The following TRAIP variants were observed in gnomAD, a reference collection of about 807,000 sequenced individuals.
The protein encoded by TRAIP is TRAF interacting protein.
Under a neutral mutation model 65.0 loss-of-function variants are expected in TRAIP, and 37 were observed. The observed-to-expected ratio is 0.57, with a 90% CI of 0.44 to 0.75. The LOEUF is 0.75. TRAIP is among the 30% of genes least tolerant of loss of function. TRAIP has a pLI of 0.00. For missense variants in TRAIP, 481 were observed against 579.4 expected (o/e 0.83, Z 1.74); for synonymous variants, 187 against 219.1 (o/e 0.85, Z 1.29).
At chr3:49,848,343 C>T in intron 1 of TRAIP, 143 bp from the exon 2 acceptor site, 1 of 841,592 alleles carries the variant, frequency 1.2e-6, no homozygotes, top group Admixed American at 2.1e-5. Context: ...GTAGCATAGG[C>T]AGTTACAGCA....
At chr3:49,840,745 G>A (rs1399168967) in intron 8 of TRAIP, among the ~76,000 whole-genome samples, 1 of 152,232 alleles carries the variant, frequency 6.6e-6, no homozygotes, top group African/African-American at 2.4e-5. Context: ...AGGAAGAGCA[G>A]AGGGGAGCAT....
intron 1 of TRAIP, among the ~76,000 whole-genome samples, chr3:49,851,201 T>C (rs930551703): frequency 1.3e-5 from 2 of 152,126 alleles, no homozygotes; most frequent in Non-Finnish European, 1.5e-5. Flanking sequence ...CTAGAACTTC[T>C]GGGCTCAAGC....
At chr3:49,843,756 A>C in intron 5 of TRAIP, 45 bp downstream of exon 5, 1 of 1,590,598 alleles carries the variant, frequency 6.3e-7, no homozygotes. Flanking sequence ...GTTCTGGGGC[A>C]ATACCTCCCT....
chr3:49,837,254 T>A (rs1276881924), intron 10 of TRAIP, among the ~76,000 whole-genome samples: 1 of 152,074 alleles, frequency 6.6e-6, no homozygotes, highest in Non-Finnish European at 1.5e-5. Flanking sequence ...ATTCAACAAC[T>A]ATTTTTGAGA....
intron 10 of TRAIP, among the ~76,000 whole-genome samples, 183 bp from the exon 11 acceptor site, chr3:49,832,251 G>C (rs544976434): frequency 1.3e-5 from 2 of 152,260 alleles, no homozygotes; most frequent in Non-Finnish European, 2.9e-5. Flanking sequence ...CCAGCACTTT[G>C]GGAGGCCAAG....
intron 1 of TRAIP, among the ~76,000 whole-genome samples, chr3:49,850,498 CAA>C (rs971648570): frequency 1.7e-5 from 2 of 119,304 alleles, no homozygotes; most frequent in Non-Finnish European, 3.5e-5. Flanking sequence ...GACTCTGTCT[CAA>C]AAAAAAAAAA....
chr3:49,841,411 G>A (rs1467986383), intron 7 of TRAIP, among the ~76,000 whole-genome samples: 2 of 152,176 alleles, frequency 1.3e-5, no homozygotes, highest in Non-Finnish European at 2.9e-5. Context: ...CACCCTTCCT[G>A]CCAACCTTAC....
chr3:49,855,012 C>T (rs1356849657), intron 1 of TRAIP, among the ~76,000 whole-genome samples: 3 of 151,896 alleles, frequency 2.0e-5, no homozygotes, highest in Non-Finnish European at 4.4e-5. Flanking sequence ...TGCAGTGAGC[C>T]GAGATGGCAC....
rs2081705620 is a variant in TRAIP at position 49,828,849 on chromosome 3, G to A, written c.*254C>T. 1 of 485,672 alleles carries A rather than the reference G, an allele frequency of 2.1e-6. No homozygotes were observed. Among genetic ancestry groups the A allele is most frequent in the African/African-American group, 2.0e-5 (1 of 51,070 alleles). The allele number at this position is 485,672 out of a possible 1,614,324, so 30.1% of individuals were successfully genotyped here. On this transcript the variant is annotated 3_prime_UTR_variant, in exon 15 of 15. Transcript: ENST00000331456. ...CACATCTGATCATGGCTATAAACAGGAGCCTGGCAACAGGAGCAGGACCTG... is the reference window on the plus strand; with the variant it reads ...CACATCTGATCATGGCTATAAACAGAAGCCTGGCAACAGGAGCAGGACCTG...
intron 2 of TRAIP, 51 bp from the exon 3 acceptor site, chr3:49,847,659 A>T: frequency 2.2e-6 from 3 of 1,352,130 alleles, no homozygotes; most frequent in Non-Finnish European, 3.1e-6. Context: ...GGTCATGCGC[A>T]AGGAGGAGAG....
intron 10 of TRAIP, among the ~76,000 whole-genome samples, chr3:49,839,444 A>G (rs1050691088): frequency 6.6e-6 from 1 of 152,132 alleles, no homozygotes; most frequent in Non-Finnish European, 1.5e-5. Context: ...ATTATTTTAC[A>G]GTGGTTTCAT....
chr3:49,829,724 G>A lies in TRAIP; in HGVS notation c.1129C>T (p.Pro377Ser). Reference sequence around the variant, plus strand: ...AAGGCACCAACCAGTTCCTCATCTGGCTCTCCTGCACAGCTCTGGCCACCC... The same window carrying A: ...AAGGCACCAACCAGTTCCTCATCTGACTCTCCTGCACAGCTCTGGCCACCC... ...SLGGQSCAGE[P>S]DEELVGAFPI... is the part of the protein sequence containing the mutation. Residue 377 changes from proline to serine, a missense_variant, in exon 13 of 15, where the codon CCA (proline) becomes TCA (serine). By Grantham distance (74) the Pro-to-Ser change is moderately conservative. Coordinates refer to ENST00000331456, the MANE Select transcript of TRAIP (RefSeq NM_005879.3). The A allele has an allele frequency of 6.2e-7, 1 of 1,614,154 alleles. No homozygotes were observed.
chr3:49,849,689 G>C lies in TRAIP; in HGVS notation c.99-1489C>G, dbSNP rs140896884. On this transcript the variant is annotated intron_variant, in intron 1 of 14. Transcript: ENST00000331456. ...GAGCTTTGCATCATCTATGCAGGTGGTCCAGCAAAGCTCAAGCCTTAAACT... is the reference window on the plus strand; with the variant it reads ...GAGCTTTGCATCATCTATGCAGGTGCTCCAGCAAAGCTCAAGCCTTAAACT... 3.7e-3 allele frequency among the ~76,000 whole-genome samples: 563 copies of C among 152,076 alleles called. 8 individuals are homozygous for C. The highest frequency in any genetic ancestry group is 0.014 in the East Asian group (73 of 5,184).
intron 3 of TRAIP, among the ~76,000 whole-genome samples, chr3:49,846,433 G>A (rs955874609): frequency 1.7e-4 from 26 of 152,142 alleles, no homozygotes; most frequent in African/African-American, 5.8e-4. Context: ...TGGCTGGGGA[G>A]TAGAAGAGTT....
At chr3:49,852,596 A>C (rs921472403) in intron 1 of TRAIP, among the ~76,000 whole-genome samples, 1 of 151,396 alleles carries the variant, frequency 6.6e-6, no homozygotes, top group Non-Finnish European at 1.5e-5. Context: ...TCTACTAAAA[A>C]TACAAAAAAT....
chr3:49,843,219 G>A (rs763353089), intron 5 of TRAIP: 2 of 154,154 alleles, frequency 1.3e-5, no homozygotes, highest in East Asian at 1.9e-4. Flanking sequence ...TACAAGGCCA[G>A]AATATCAATC....
intron 11 of TRAIP, 39 bp from the exon 12 acceptor site, chr3:49,830,107 AG>A (rs1259252078): frequency 1.2e-6 from 2 of 1,609,844 alleles, no homozygotes; most frequent in African/African-American, 2.7e-5. Context: ...TAGGTAAGCA[AG>A]ACATGGGGGC....
chr3:49,844,623 G>A, intron 3 of TRAIP, 43 bp from the exon 4 acceptor site: 1 of 1,612,366 alleles, frequency 6.2e-7, no homozygotes, highest in Non-Finnish European at 8.5e-7. Context: ...AAGCATCATA[G>A]CTGACCTCCA....
chr3:49,855,719 T>C (rs192338607), intron 1 of TRAIP, among the ~76,000 whole-genome samples: 173 of 152,206 alleles, frequency 1.1e-3, no homozygotes, highest in Admixed American at 3.7e-3. Flanking sequence ...TCACCCACCA[T>C]TCCCAGGGGT....
Sources: allele counts gnomAD v4.1 joint callset (sites outside exome capture counted in the v4.1 genomes callset), GRCh38; gene constraint gnomAD v4.1.1; transcripts MANE v1.5; gene names NCBI Gene and HGNC (gene_info 2026-07-23, HGNC 2026-07-21).